Variants in SUSD6 observed in about 807,000 individuals in gnomAD.
SUSD6 encodes sushi domain-containing protein 6.
In SUSD6, 16 loss-of-function variants were observed where a neutral mutation model predicts 28.4. The ratio of observed to expected loss-of-function variants is 0.56; its 90% CI spans 0.38 to 0.86. The LOEUF (loss-of-function observed/expected upper bound fraction) is 0.86. SUSD6 is among the 40% of genes least tolerant of loss of function. SUSD6 has a pLI of 0.00. For synonymous variants in SUSD6, 147 were observed against 159.6 expected, an observed-to-expected ratio of 0.92 and a Z score of 0.59; for missense variants, 341 against 384.2, an observed-to-expected ratio of 0.89 and a Z score of 0.94.
intron 1 of SUSD6, among the ~76,000 whole-genome samples, chr14:69,638,423 A>AGTGTGTGTGTGTGTGTGTGTGTGTGTGT (rs10637124): frequency 1.4e-5 from 2 of 139,142 alleles, no homozygotes; most frequent in Non-Finnish European, 3.1e-5. Flanking sequence ...TGGGGTGGGG[A>AGTGTGTGTGTGTGTGTGTGTGTGTGTGT]GTGTGTGTGT....
intron 1 of SUSD6, among the ~76,000 whole-genome samples, chr14:69,654,790 G>GTGTGTGTGTGTGTGTGTGTGTGTGTGT (rs1491558166): frequency 2.0e-5 from 2 of 98,986 alleles, no homozygotes; most frequent in African/African-American, 8.1e-5. Flanking sequence ...TTTTTTTTTT[G>GTGTGTGTGTGTGTGTGTGTGTGTGTGT]GTGTGTGTGT....
intron 1 of SUSD6, among the ~76,000 whole-genome samples, chr14:69,655,903 A>G: frequency 6.6e-6 from 1 of 152,080 alleles, no homozygotes; most frequent in East Asian, 1.9e-4. Context: ...AAAATCCTCT[A>G]AAATCCCTGC....
chr14:69,680,600 A>G (rs932219348), intron 2 of SUSD6, among the ~76,000 whole-genome samples: 1 of 152,218 alleles, frequency 6.6e-6, no homozygotes. Context: ...TCTTAGCAAT[A>G]TAACCCTCAT....
chr14:69,682,263 G>A (rs1886007427), intron 2 of SUSD6, among the ~76,000 whole-genome samples: 2 of 152,166 alleles, frequency 1.3e-5, no homozygotes, highest in Admixed American at 1.3e-4. Context: ...TTTGAGCCCA[G>A]GAGTTTGAGG....
At chr14:69,625,694 A>G (rs1218829876) in intron 1 of SUSD6, among the ~76,000 whole-genome samples, 2 of 152,220 alleles carry the variant, frequency 1.3e-5, no homozygotes, top group Non-Finnish European at 2.9e-5. Context: ...GACCACATCC[A>G]GAGTGATCAA....
chr14:69,703,408 A>T lies in SUSD6; in HGVS notation c.135A>T (p.Pro45=). The T allele has an allele frequency of 2.5e-6, 4 of 1,613,672 alleles. No homozygotes were observed. The highest frequency in any genetic ancestry group is 3.4e-6 in the Non-Finnish European group (4 of 1,179,874). ...GDGLASVCPL[P]PEPENGGYIC... ...CTGTCTTTGCAGTGTGCCCCCTACC[A>T]CCGGAGCCAGAGAATGGTGGCTACA... The change falls in exon 3 of 6, where the codon CCA becomes CCT. Residue 45 remains proline, a synonymous_variant. Transcript: ENST00000342745.
chr14:69,705,308 A>T (rs907259642), intron 4 of SUSD6, among the ~76,000 whole-genome samples: 2 of 148,816 alleles, frequency 1.3e-5, no homozygotes, highest in Non-Finnish European at 3.0e-5. Flanking sequence ...ACAGAGTAAG[A>T]CTCTGTCCCA....
Position 69,619,115 on chromosome 14 carries a change from C to T in SUSD6, c.-81+7287C>T, listed in dbSNP as rs545182010. The stretch of plus-strand genomic sequence containing the variant: ...TGCTTTTCCCTCCCGGTGTGATCAC[C>T]TCTTTGTTTCTCCCCCTCTTCTGGG... On this transcript the variant is annotated intron_variant, in intron 1 of 5. Transcript: ENST00000342745. Among the ~76,000 whole-genome samples, 5 of 152,300 alleles carry T rather than the reference C, an allele frequency of 3.3e-5. No homozygotes were observed. The South Asian group carries it at 1.0e-3, about 32-fold the overall frequency.
At chr14:69,650,664 C>A (rs74901225) in intron 1 of SUSD6, among the ~76,000 whole-genome samples, 429 of 152,242 alleles carry the variant, frequency 2.8e-3, no homozygotes, top group African/African-American at 0.01. Flanking sequence ...TCTGTCTGGT[C>A]TTATTTGTTC....
At chr14:69,695,498 C>A (rs1297969553) in intron 2 of SUSD6, among the ~76,000 whole-genome samples, 1 of 152,210 alleles carries the variant, frequency 6.6e-6, no homozygotes, top group Non-Finnish European at 1.5e-5. Context: ...TGATCTGGTT[C>A]ATTGCCTTCA....
intron 1 of SUSD6, among the ~76,000 whole-genome samples, chr14:69,631,323 A>T (rs1885191359): frequency 6.6e-6 from 1 of 152,232 alleles, no homozygotes; most frequent in Non-Finnish European, 1.5e-5. Context: ...TCCATAGTAT[A>T]TCTAGGATAA....
chr14:69,708,564 C>T (rs1157766752), intron 4 of SUSD6, 113 bp from the exon 5 acceptor site: 2 of 844,000 alleles, frequency 2.4e-6, no homozygotes, highest in Non-Finnish European at 3.6e-6. Context: ...TAGTGCTTTG[C>T]CTGGCACATA....
chr14:69,699,197 TTTCTTTTC>T (rs2139642819), intron 2 of SUSD6, among the ~76,000 whole-genome samples: 1 of 152,204 alleles, frequency 6.6e-6, no homozygotes, highest in Admixed American at 6.5e-5. Context: ...ATGTGTTCTT[TTTCTTTTC>T]TTTTCTTTTC....
intron 1 of SUSD6, among the ~76,000 whole-genome samples, chr14:69,621,658 C>T (rs141465016): frequency 6.6e-6 from 1 of 152,292 alleles, no homozygotes; most frequent in East Asian, 1.9e-4. Context: ...ACATTTGCCT[C>T]TGTAGTTTGG....
At chr14:69,634,235 A>G (rs1347088899) in intron 1 of SUSD6, among the ~76,000 whole-genome samples, 1 of 152,242 alleles carries the variant, frequency 6.6e-6, no homozygotes, top group Admixed American at 6.5e-5. Context: ...AGGGAAGCTT[A>G]TAGCTTCAGG....
At chr14:69,697,740 A>AG (rs907131578) in intron 2 of SUSD6, among the ~76,000 whole-genome samples, 44 of 152,194 alleles carry the variant, frequency 2.9e-4, no homozygotes, top group African/African-American at 9.9e-4. Flanking sequence ...TCTTTGCCTC[A>AG]GGCTCTTACC....
intron 1 of SUSD6, among the ~76,000 whole-genome samples, chr14:69,630,772 A>G (rs1193418548): frequency 3.3e-5 from 5 of 152,164 alleles, no homozygotes; most frequent in Admixed American, 2.0e-4. Flanking sequence ...CAATGTATCC[A>G]TCTTTGTCAG....
At chr14:69,640,842 T>G (rs1162422078) in intron 1 of SUSD6, among the ~76,000 whole-genome samples, 1 of 152,254 alleles carries the variant, frequency 6.6e-6, no homozygotes, top group African/African-American at 2.4e-5. Context: ...TAAGTGATTA[T>G]TGCTGTAAGA....
intron 1 of SUSD6, among the ~76,000 whole-genome samples, chr14:69,656,657 T>C (rs906280425): frequency 3.7e-5 from 4 of 109,372 alleles, no homozygotes; most frequent in Non-Finnish European, 9.1e-5. Flanking sequence ...CCAAGCACTT[T>C]GCCAGGCACT....
Sources: gnomAD v4.1 joint callset for allele counts (sites outside exome capture counted in the v4.1 genomes callset) on GRCh38, gnomAD v4.1.1 for gene constraint, MANE v1.5 for transcripts, NCBI Gene and HGNC (gene_info 2026-07-23, HGNC 2026-07-21) for gene names.